Variants in N4BP2L2 observed in about 807,000 individuals in gnomAD.
N4BP2L2 encodes NEDD4-binding protein 2-like 2.
A neutral mutation model predicts 56.2 loss-of-function variants in N4BP2L2; 50 were observed. The observed-to-expected ratio is 0.89, with a 90% CI of 0.71 to 1.13. The LOEUF (loss-of-function observed/expected upper bound fraction) is 1.13. Among genes scored for constraint, N4BP2L2 ranks in the 50% most tolerant of loss-of-function variants. The pLI is 0.00. For synonymous variants in N4BP2L2, 203 were observed against 223.6 expected, an observed-to-expected ratio of 0.91 and a Z score of 0.82; for missense variants, 689 against 693.8, an observed-to-expected ratio of 0.99 and a Z score of 0.08.
exon 7 of N4BP2L2, chr13:32,443,164 G>A (rs746760784): frequency 1.2e-6 from 2 of 1,613,876 alleles, no homozygotes; most frequent in Non-Finnish European, 1.7e-6. Context: ...TTCTATGAAT[G>A]AATCCATAGT....
chr13:32,446,277 G>A (rs1593437851), intron 6 of N4BP2L2: 1 of 953,898 alleles, frequency 1.0e-6, no homozygotes. Context: ...CCTAGAAACA[G>A]TTGTGATGGG....
chr13:32,481,147 A>AAAAAAC (rs148970353), intron 6 of N4BP2L2, among the ~76,000 whole-genome samples: 1 of 149,838 alleles, frequency 6.7e-6, no homozygotes, highest in Non-Finnish European at 1.5e-5. Flanking sequence ...AAAAAAAAAA[A>AAAAAAC]AGGATTGCAC....
At chr13:32,452,492 G>C (rs1051413671) in intron 6 of N4BP2L2, among the ~76,000 whole-genome samples, 8 of 152,148 alleles carry the variant, frequency 5.3e-5, no homozygotes, top group African/African-American at 1.7e-4. Context: ...ACTACCTTCA[G>C]TAATGTGTAA....
intron 2 of N4BP2L2, among the ~76,000 whole-genome samples, chr13:32,535,188 C>G (rs929123480): frequency 1.3e-5 from 2 of 152,052 alleles, no homozygotes; most frequent in Non-Finnish European, 2.9e-5. Flanking sequence ...CAAAACTTGC[C>G]CAAGGTGAAA....
rs35925361 is a variant in N4BP2L2, at chr13:32,526,818, G to GTTTTTTTTTTTTTTTTTTTT, written c.1384+570_1384+589dup. 7 of 24,236 alleles carry GTTTTTTTTTTTTTTTTTTTT rather than the reference G, an allele frequency of 2.9e-4. 1 individual carries two copies. Among genetic ancestry groups the GTTTTTTTTTTTTTTTTTTTT allele is most frequent in the African/African-American group, 8.2e-4 (6 of 7,302 alleles). The allele number at this position is 24,236 out of a possible 1,614,324, so 1.5% of individuals were successfully genotyped here. On this transcript the variant is annotated intron_variant, in intron 3 of 5. Coordinates refer to ENST00000267068, the Ensembl canonical transcript of N4BP2L2. ...CTGAGGCCAGGCACACTTTTTGTCT[G>GTTTTTTTTTTTTTTTTTTTT]TTTTTTTTTTTTTTTTTTTTTTTTT...
intron 6 of N4BP2L2, among the ~76,000 whole-genome samples, chr13:32,498,425 C>T (rs1256245228): frequency 6.6e-6 from 1 of 152,168 alleles, no homozygotes; most frequent in Non-Finnish European, 1.5e-5. Context: ...TGGCTCACTG[C>T]AATCTCCGTG....
At chr13:32,462,889 A>T (rs1323277181) in intron 6 of N4BP2L2, among the ~76,000 whole-genome samples, 1 of 145,890 alleles carries the variant, frequency 6.9e-6, no homozygotes, top group African/African-American at 2.6e-5. Flanking sequence ...AAAAAAAAAA[A>T]AAAATTAGCC....
chr13:32,442,701 T>C lies in N4BP2L2; in HGVS notation c.1791A>G (p.Thr597=), dbSNP rs764842499. Residue 597 remains threonine, a synonymous_variant, in exon 7 of 10, where the codon ACA becomes ACG. Coordinates refer to the N4BP2L2 transcript ENST00000357505. Reference sequence around the variant, plus strand: ...CGAAAGTCAAAAACAGTTTCTTGTTTGTAAAAGATGGCTTCCAAATACTAG... The same window carrying C: ...CGAAAGTCAAAAACAGTTTCTTGTTCGTAAAAGATGGCTTCCAAATACTAG... The C allele has an allele frequency of 2.5e-6, 4 of 1,613,770 alleles. No homozygotes were observed. The South Asian group carries it at 4.4e-5, about 18-fold the overall frequency.
intron 9 of N4BP2L2, among the ~76,000 whole-genome samples, chr13:32,434,771 T>C (rs2075285040): frequency 6.6e-6 from 1 of 152,002 alleles, no homozygotes; most frequent in Non-Finnish European, 1.5e-5. Flanking sequence ...CCTTTCTCAA[T>C]AAAATAGTAA....
At chr13:32,475,601 G>A (rs115701862) in intron 6 of N4BP2L2, among the ~76,000 whole-genome samples, 1 of 152,110 alleles carries the variant, frequency 6.6e-6, no homozygotes, top group Non-Finnish European at 1.5e-5. Context: ...TCAGTGCCAC[G>A]TTGTCTGCTT....
intron 9 of N4BP2L2, among the ~76,000 whole-genome samples, chr13:32,435,716 CAAAA>C (rs2075397495): frequency 6.6e-6 from 1 of 151,910 alleles, no homozygotes; most frequent in South Asian, 2.1e-4. Context: ...TTAAAACAAA[CAAAA>C]AACATTTTTA....
chr13:32,536,898 G>A, exon 2 of N4BP2L2: 1 of 1,613,616 alleles, frequency 6.2e-7, no homozygotes, highest in Non-Finnish European at 8.5e-7. Flanking sequence ...TGGATTCTGT[G>A]AAAATCAGCA....
chr13:32,438,336 AG>A (rs1207992240), intron 8 of N4BP2L2, among the ~76,000 whole-genome samples: 1 of 152,244 alleles, frequency 6.6e-6, no homozygotes, highest in East Asian at 1.9e-4. Flanking sequence ...AGCCAGACAC[AG>A]AAAAATATAT....
exon 6 of N4BP2L2, chr13:32,515,355 C>A (rs1223592271): frequency 6.6e-6 from 1 of 152,158 alleles, no homozygotes; most frequent in Non-Finnish European, 1.5e-5. Context: ...AAAGGAGGAC[C>A]TCTTGAGCCT....
At chr13:32,491,240 C>T (rs1175295508) in intron 6 of N4BP2L2, among the ~76,000 whole-genome samples, 1 of 152,006 alleles carries the variant, frequency 6.6e-6, no homozygotes, top group Non-Finnish European at 1.5e-5. Flanking sequence ...ATCATGCTTA[C>T]CATGCATATT....
chr13:32,467,172 G>A (rs1039941459), intron 6 of N4BP2L2, among the ~76,000 whole-genome samples: 2 of 151,982 alleles, frequency 1.3e-5, no homozygotes, highest in South Asian at 2.1e-4. Context: ...TAGAGATAAC[G>A]TGAAGATGAA....
chr13:32,517,186 A>G (rs1217822201), exon 6 of N4BP2L2: 3 of 985,386 alleles, frequency 3.0e-6, no homozygotes, highest in East Asian at 1.1e-4. Flanking sequence ...CTATGTATGC[A>G]TTACAAGATG....
At chr13:32,438,974 T>C (rs2075849114) in intron 7 of N4BP2L2, among the ~76,000 whole-genome samples, 1 of 152,266 alleles carries the variant, frequency 6.6e-6, no homozygotes, top group Non-Finnish European at 1.5e-5. Context: ...CCACTGACCA[T>C]GAGCTTGGCT....
intron 6 of N4BP2L2, among the ~76,000 whole-genome samples, chr13:32,459,254 C>T (rs970720840): frequency 3.3e-5 from 5 of 151,168 alleles, no homozygotes; most frequent in African/African-American, 9.7e-5. Context: ...ACAGCCAACC[C>T]CAAATTAATA....
Sources: allele counts gnomAD v4.1 joint callset (sites outside exome capture counted in the v4.1 genomes callset), GRCh38; gene constraint gnomAD v4.1.1; transcripts MANE v1.5; gene names NCBI Gene and HGNC (gene_info 2026-07-23, HGNC 2026-07-21).